TDRD7: variants seen among roughly 807,000 people sequenced by gnomAD.
TDRD7 encodes tudor domain-containing protein 7.
In TDRD7, 47 loss-of-function variants were observed where a neutral mutation model predicts 109.8. The observed-to-expected ratio is 0.43, with a 90% CI of 0.34 to 0.55. The LOEUF (loss-of-function observed/expected upper bound fraction) is 0.55, where lower values mean the gene tolerates loss of function less well. TDRD7 is among the 20% of genes least tolerant of loss of function. The pLI, the probability that TDRD7 is intolerant of heterozygous loss-of-function variation, is 0.03. For synonymous variants in TDRD7, 424 were observed against 457.3 expected (o/e 0.93, Z 0.93); for missense variants, 1,164 against 1,319.2 (o/e 0.88, Z 1.82).
Position 97,432,229 on chromosome 9 carries a change from C to T in TDRD7, c.554C>T (p.Thr185Ile), listed in dbSNP as rs1828117310. The change falls in exon 4 of 17, where the codon ACC (threonine) becomes ATC (isoleucine). Residue 185 changes from threonine to isoleucine, a missense_variant. By Grantham distance (89) the Thr-to-Ile change is moderately conservative (BLOSUM62 -1). Coordinates refer to ENST00000355295, the MANE Select transcript of TDRD7 (RefSeq NM_014290.3). ...GTGCAAAGGCATGTGACCATGTCCA[C>T]CAACAACAGGTATTTGGCCTCTGAC... ...IPVQRHVTMS[T>I]NNRFSPKASL... 1 of 1,613,488 alleles carries T rather than the reference C, an allele frequency of 6.2e-7. No individual in the cohort carries two copies. Among genetic ancestry groups the T allele is most frequent in the Non-Finnish European group, 8.5e-7 (1 of 1,179,674 alleles).
At chr9:97,482,776 A>T in intron 14 of TDRD7, 73 bp from the exon 15 acceptor site, 5 of 1,503,008 alleles carry the variant, frequency 3.3e-6, no homozygotes, top group Non-Finnish European at 4.6e-6. Flanking sequence ...TTAATGATTA[A>T]GGTTACTATA....
chr9:97,472,534 T>C (rs376746986), intron 10 of TDRD7, 39 bp downstream of exon 10: 17 of 1,501,794 alleles, frequency 1.1e-5, no homozygotes, highest in Non-Finnish European at 1.4e-5. Context: ...TTACACATTT[T>C]GTATGAGAGA....
chr9:97,490,909 C>CTTTTTTTTTTTTT (rs1174656625), intron 16 of TDRD7, among the ~76,000 whole-genome samples: 3 of 77,648 alleles, frequency 3.9e-5, no homozygotes, highest in East Asian at 4.2e-4. Flanking sequence ...CTTTTCTTTT[C>CTTTTTTTTTTTTT]TTTTTTTTTT....
chr9:97,456,468 A>G (rs1180243041), intron 6 of TDRD7, among the ~76,000 whole-genome samples: 1 of 152,196 alleles, frequency 6.6e-6, no homozygotes, highest in Non-Finnish European at 1.5e-5. Flanking sequence ...TGGTACTGGT[A>G]CCAAAGCAGA....
intron 6 of TDRD7, among the ~76,000 whole-genome samples, chr9:97,457,128 C>G (rs1828629846): frequency 6.6e-6 from 1 of 152,152 alleles, no homozygotes; most frequent in Non-Finnish European, 1.5e-5. Context: ...GAGATACTAT[C>G]TCATGCCAGG....
At chr9:97,470,691 A>T (rs1564209867) in intron 9 of TDRD7, 22 bp downstream of exon 9, 2 of 1,583,058 alleles carry the variant, frequency 1.3e-6, no homozygotes, top group African/African-American at 2.7e-5. Flanking sequence ...TTTTTAAAAA[A>T]CTCTCTCCAT....
chr9:97,433,113 G>A (rs1368451101), intron 4 of TDRD7, among the ~76,000 whole-genome samples: 2 of 152,048 alleles, frequency 1.3e-5, no homozygotes, highest in South Asian at 2.1e-4. Flanking sequence ...AACAAATTTT[G>A]TTGTATTATA....
chr9:97,426,402 C>T (rs970065740), intron 1 of TDRD7, among the ~76,000 whole-genome samples: 1 of 152,052 alleles, frequency 6.6e-6, no homozygotes. Flanking sequence ...TAGACATATG[C>T]TGCCACATCC....
At chr9:97,494,369 C>T (rs962287038) in intron 16 of TDRD7, among the ~76,000 whole-genome samples, 1 of 152,146 alleles carries the variant, frequency 6.6e-6, no homozygotes, top group Non-Finnish European at 1.5e-5. Flanking sequence ...TGCACCATGG[C>T]CATGCACAAA....
chr9:97,474,309 A>C (rs979054643), intron 11 of TDRD7, among the ~76,000 whole-genome samples: 1 of 152,184 alleles, frequency 6.6e-6, no homozygotes, highest in Admixed American at 6.5e-5. Flanking sequence ...ACTAAACCCT[A>C]CTGCCACTTC....
rs555739749 is a variant in TDRD7, at chr9:97,473,597, C to T, written c.2050C>T (p.Arg684Cys). The change falls in exon 11 of 17, where the codon CGT (arginine) becomes TGT (cysteine). Residue 684 changes from arginine (R) to cysteine (C), a missense_variant. Physicochemically the swap from Arg to Cys is radical, Grantham distance 180. Around this residue, in one of 5 missense-constraint regions of TDRD7, gnomAD observed 261 missense variants for 336.2 expected, o/e 0.78. Coordinates refer to ENST00000355295, the MANE Select transcript of TDRD7 (RefSeq NM_014290.3). ...KGLNKLSDLLRKIEDYFHCKH... is the reference protein window; with the variant it reads ...KGLNKLSDLLCKIEDYFHCKH... The stretch of plus-strand genomic sequence containing the variant: ...TCTGAACAAGCTCAGTGACCTTCTA[C>T]GTAAGATAGAGGACTACTTCCATTG... The T allele has an allele frequency of 1.8e-5, 29 of 1,613,766 alleles. No individual in the cohort carries two copies. Among genetic ancestry groups the T allele is most frequent in the South Asian group, 1.3e-4 (12 of 91,080 alleles).
In TDRD7 at chr9:97,467,115, T is replaced by C. The variant is rs115847954; in HGVS notation, c.1629+2087T>C. ...GTCTCTAGTTGATAGGAGATAACTATCCCTAAACGTTCCTAGATAAACTTC... is the reference window on the plus strand; with the variant it reads ...GTCTCTAGTTGATAGGAGATAACTACCCCTAAACGTTCCTAGATAAACTTC... On this transcript the variant is annotated intron_variant, in intron 8 of 16. Transcript: ENST00000355295. Among the ~76,000 whole-genome samples the C allele has an allele frequency of 8.0e-3, 1,222 of 152,152 alleles. 13 individuals carry two copies. The highest frequency in any genetic ancestry group is 0.027 in the African/African-American group (1,126 of 41,490).
intron 1 of TDRD7, among the ~76,000 whole-genome samples, chr9:97,415,706 T>A (rs1030519718): frequency 2.0e-5 from 3 of 152,072 alleles, no homozygotes; most frequent in African/African-American, 7.2e-5. Flanking sequence ...GGCGGGAGAA[T>A]CACTTGAACC....
At chr9:97,417,702 A>G (rs750174607) in intron 1 of TDRD7, among the ~76,000 whole-genome samples, 1 of 152,258 alleles carries the variant, frequency 6.6e-6, no homozygotes, top group Non-Finnish European at 1.5e-5. Flanking sequence ...AAGGAGGCTC[A>G]GGCATAATCT....
At chr9:97,425,363 C>G (rs1470858596) in intron 1 of TDRD7, among the ~76,000 whole-genome samples, 1 of 152,106 alleles carries the variant, frequency 6.6e-6, no homozygotes, top group Non-Finnish European at 1.5e-5. Context: ...TATACCTTAT[C>G]TATGCTCAGA....
intron 1 of TDRD7, among the ~76,000 whole-genome samples, chr9:97,420,365 G>A (rs1282283133): frequency 4.0e-5 from 3 of 75,570 alleles, no homozygotes; most frequent in Non-Finnish European, 9.1e-5. Flanking sequence ...ACTTTTTTTT[G>A]GGGGGGGCGG....
At chr9:97,457,182 G>T (rs1828630943) in intron 6 of TDRD7, among the ~76,000 whole-genome samples, 1 of 152,188 alleles carries the variant, frequency 6.6e-6, no homozygotes, top group East Asian at 1.9e-4. Context: ...TGTTGGTGAG[G>T]CTGTGGATAA....
At chr9:97,413,700 G>A (rs1216398344) in intron 1 of TDRD7, among the ~76,000 whole-genome samples, 1 of 152,228 alleles carries the variant, frequency 6.6e-6, no homozygotes, top group Non-Finnish European at 1.5e-5. Flanking sequence ...AGCTGGATTA[G>A]CACTCACATC....
At chr9:97,445,321 G>A (rs1305882049) in intron 6 of TDRD7, among the ~76,000 whole-genome samples, 2 of 152,186 alleles carry the variant, frequency 1.3e-5, no homozygotes, top group Non-Finnish European at 2.9e-5. Context: ...GCTTCCGTGT[G>A]CTAGCCACTG....
Sources: allele counts gnomAD v4.1 joint callset (sites outside exome capture counted in the v4.1 genomes callset), GRCh38; gene constraint gnomAD v4.1.1; regional missense constraint gnomAD v4.1.1; transcripts MANE v1.5; gene names NCBI Gene and HGNC (gene_info 2026-07-23, HGNC 2026-07-21).